The following VTCN1 variants were observed in gnomAD, a reference collection of about 807,000 sequenced individuals.
VTCN1 encodes the protein V-set domain containing T cell activation inhibitor 1.
Under a neutral mutation model 26.5 loss-of-function variants are expected in VTCN1, and 26 were observed. That is an observed-to-expected ratio of 0.98 (90% confidence interval 0.72 to 1.36). The LOEUF (loss-of-function observed/expected upper bound fraction) is 1.36. Among genes scored for constraint, VTCN1 ranks in the 40% most tolerant of loss-of-function variants. The pLI is 0.00. For missense variants in VTCN1, 298 were observed against 337.7 expected (o/e 0.88, Z 0.92); for synonymous variants, 116 against 130.7 (o/e 0.89, Z 0.77).
At chr1:117,199,121 AC>A (rs1248497166) in intron 1 of VTCN1, among the ~76,000 whole-genome samples, 2 of 152,120 alleles carry the variant, frequency 1.3e-5, no homozygotes, top group Non-Finnish European at 2.9e-5. Flanking sequence ...TTTTGTAATT[AC>A]CCCAGTGCCT....
chr1:117,206,495 G>C (rs1401421155), intron 1 of VTCN1, among the ~76,000 whole-genome samples: 1 of 152,174 alleles, frequency 6.6e-6, no homozygotes, highest in Non-Finnish European at 1.5e-5. Flanking sequence ...CCATTTCATA[G>C]ATAGGGCAAT....
rs1652779090 is a variant in VTCN1 at position 117,169,399 on chromosome 1, C to A, written c.97+708G>T. ...CCCCTGTGTACAAAGACTTGATATT[C>A]TTTAACACTTCAGCTGAAGCTTCGT... On this transcript the variant is annotated intron_variant, in intron 2 of 5. Coordinates refer to ENST00000369458, the MANE Select transcript of VTCN1 (RefSeq NM_024626.4). The surrounding 1 kb of genome is among the most constrained non-coding windows in gnomAD (Gnocchi z 4.0). Among the ~76,000 whole-genome samples, 1 of 152,302 alleles carries A rather than the reference C, an allele frequency of 6.6e-6. No individual in the cohort carries two copies. The highest frequency in any genetic ancestry group is 3.4e-3 in the Middle Eastern group (1 of 294).
chr1:117,164,899 C>T (rs1652534349), intron 2 of VTCN1, among the ~76,000 whole-genome samples: 1 of 152,168 alleles, frequency 6.6e-6, no homozygotes, highest in South Asian at 2.1e-4. Flanking sequence ...AAATGGTCCA[C>T]CGCAAATGCA....
chr1:117,186,036 T>C (rs995651042), intron 1 of VTCN1, among the ~76,000 whole-genome samples: 6 of 152,370 alleles, frequency 3.9e-5, no homozygotes, highest in African/African-American at 1.2e-4. Context: ...GATTAAGACC[T>C]GTCTCAGATA....
At chr1:117,198,833 G>A (rs1368125012) in intron 1 of VTCN1, among the ~76,000 whole-genome samples, 1 of 152,192 alleles carries the variant, frequency 6.6e-6, no homozygotes, top group Non-Finnish European at 1.5e-5. Context: ...ATACTTTTAT[G>A]AGAGAGGCAA....
chr1:117,156,872 C>T lies in VTCN1; in HGVS notation c.147G>A (p.Gly49=), dbSNP rs1455229153. Residue 49 remains glycine (G), a synonymous_variant, in exon 3 of 6, where the codon GGG becomes GGA. Transcript: ENST00000369458. ...VTTVASAGNI[G]EDGILSCTFE... The stretch of plus-strand genomic sequence containing the variant: ...AAGTGCAGCTCAGGATTCCATCCTC[C>T]CCAATGTTCCCAGCTGAGGCGACAG... 6.2e-7 allele frequency: 1 copy of T among 1,613,988 alleles called. No homozygotes were observed. The highest frequency in any genetic ancestry group is 8.5e-7 in the Non-Finnish European group (1 of 1,180,012).
In VTCN1 at chr1:117,175,961, G is replaced by T. The variant is rs1015952696; in HGVS notation, c.33-5790C>A. ...AATTTTTTATTTTTAGTAGAGACAG[G>T]GTTTCACCATGTTGGCCAGGCTGGT... On this transcript the variant is annotated intron_variant, in intron 1 of 5. Coordinates refer to ENST00000369458, the MANE Select transcript of VTCN1 (RefSeq NM_024626.4). The surrounding 1 kb of genome is among the most constrained non-coding windows in gnomAD (Gnocchi z 4.2). 6.6e-6 allele frequency among the ~76,000 whole-genome samples: 1 copy of T among 151,878 alleles called. No homozygotes were observed. The highest frequency in any genetic ancestry group is 1.5e-5 in the Non-Finnish European group (1 of 67,960).
intron 1 of VTCN1, among the ~76,000 whole-genome samples, chr1:117,201,435 G>T (rs1363684778): frequency 6.6e-6 from 1 of 152,172 alleles, no homozygotes; most frequent in Non-Finnish European, 1.5e-5. Flanking sequence ...AGGGCTCTGT[G>T]GGGGAATCCC....
At chr1:117,165,164 A>G (rs1191459790) in intron 2 of VTCN1, among the ~76,000 whole-genome samples, 1 of 152,008 alleles carries the variant, frequency 6.6e-6, no homozygotes, top group Non-Finnish European at 1.5e-5. Context: ...AGGTTCGGGA[A>G]ACAAATTCCC....
intron 1 of VTCN1, 134 bp from the exon 2 acceptor site, chr1:117,170,305 T>C: frequency 3.5e-6 from 3 of 865,958 alleles, no homozygotes; most frequent in South Asian, 2.6e-5. Context: ...CCACATAAGC[T>C]TGTTCCTAGA....
chr1:117,200,072 AG>A (rs1000078529), intron 1 of VTCN1, among the ~76,000 whole-genome samples: 35 of 152,358 alleles, frequency 2.3e-4, no homozygotes, highest in African/African-American at 8.2e-4. Context: ...GGGCTTTAAA[AG>A]GGCAAAAACA....
intron 1 of VTCN1, among the ~76,000 whole-genome samples, chr1:117,191,482 C>T (rs1275338219): frequency 1.3e-5 from 2 of 152,028 alleles, no homozygotes; most frequent in Non-Finnish European, 2.9e-5. Context: ...AGCCAGATAG[C>T]CAGACACTAT....
intron 1 of VTCN1, among the ~76,000 whole-genome samples, chr1:117,185,382 G>T (rs1647884144): frequency 6.6e-6 from 1 of 152,140 alleles, no homozygotes; most frequent in Admixed American, 6.5e-5. Flanking sequence ...GTTTCCATGG[G>T]CTGCCATCAG....
At chr1:117,180,250 G>A (rs1647608201) in intron 1 of VTCN1, among the ~76,000 whole-genome samples, 1 of 152,134 alleles carries the variant, frequency 6.6e-6, no homozygotes, top group African/African-American at 2.4e-5. Flanking sequence ...TTGCAGCAAA[G>A]CCATTCTATA....
In VTCN1 at chr1:117,167,141, C is replaced by T. The variant is rs989551326; in HGVS notation, c.97+2966G>A. Among the ~76,000 whole-genome samples the T allele has an allele frequency of 6.6e-6, 1 of 151,224 alleles. No homozygotes were observed. The highest frequency in any genetic ancestry group is 1.5e-5 in the Non-Finnish European group (1 of 67,896). ...TATGTAAACATAAAATGTATATATA[C>T]ATACATGACATTATATGCATTTTAT... On this transcript the variant is annotated intron_variant, in intron 2 of 5. Coordinates refer to ENST00000369458, the MANE Select transcript of VTCN1 (RefSeq NM_024626.4). This position sits in a 1 kb window ranked among gnomAD's most constrained non-coding sequence, Gnocchi z 4.1.
chr1:117,154,981 G>A (rs896140151), intron 3 of VTCN1, among the ~76,000 whole-genome samples: 1 of 151,942 alleles, frequency 6.6e-6, no homozygotes, highest in African/African-American at 2.4e-5. Flanking sequence ...GTTTCTTCTA[G>A]TCTGTCATGT....
At chr1:117,196,182 T>C (rs548844167) in intron 1 of VTCN1, among the ~76,000 whole-genome samples, 5 of 152,170 alleles carry the variant, frequency 3.3e-5, no homozygotes, top group Admixed American at 1.3e-4. Context: ...ATAAATGTAA[T>C]AATTTTGGCA....
chr1:117,188,244 A>T (rs1181063659), intron 1 of VTCN1, among the ~76,000 whole-genome samples: 1 of 152,192 alleles, frequency 6.6e-6, no homozygotes, highest in Admixed American at 6.6e-5. Flanking sequence ...AGAGAGACGG[A>T]CAGACAGAGA....
chr1:117,162,397 C>T (rs985439228), intron 2 of VTCN1, among the ~76,000 whole-genome samples: 5 of 152,124 alleles, frequency 3.3e-5, no homozygotes, highest in African/African-American at 1.2e-4. Context: ...AGGATTATGC[C>T]ATCTGGCCTC....
Sources: gnomAD v4.1 joint callset for allele counts (sites outside exome capture counted in the v4.1 genomes callset) on GRCh38, gnomAD v4.1.1 for gene constraint, Gnocchi (gnomAD v3.1) non-coding constraint, MANE v1.5 for transcripts, NCBI Gene and HGNC (gene_info 2026-07-23, HGNC 2026-07-21) for gene names.